MARCHF1: variants seen among roughly 807,000 people sequenced by gnomAD.
The protein encoded by MARCHF1 is membrane associated ring-CH-type finger 1.
Under a neutral mutation model 54.2 loss-of-function variants are expected in MARCHF1, and 40 were observed. The observed-to-expected ratio is 0.74, with a 90% CI of 0.57 to 0.96. The LOEUF is 0.96. Among genes scored for constraint, MARCHF1 ranks in the 40% least tolerant of loss-of-function variants. The pLI is 0.00. For synonymous variants in MARCHF1, 236 were observed against 236.3 expected (o/e 1.00, Z 0.01); for missense variants, 586 against 656.5 (o/e 0.89, Z 1.17).
At chr4:163,543,130 G>A (rs1738775854) in intron 9 of MARCHF1, among the ~76,000 whole-genome samples, 1 of 152,148 alleles carries the variant, frequency 6.6e-6, no homozygotes, top group Non-Finnish European at 1.5e-5. Context: ...ATGGTTAAGT[G>A]GGAATAGGAT....
At chr4:164,004,622 G>A (rs1353724532) in intron 2 of MARCHF1, among the ~76,000 whole-genome samples, 1 of 151,882 alleles carries the variant, frequency 6.6e-6, no homozygotes, top group African/African-American at 2.4e-5. Flanking sequence ...AAATTGGAAA[G>A]AGCTGAAATA....
chr4:163,717,053 T>A (rs894063295), intron 4 of MARCHF1, among the ~76,000 whole-genome samples: 1 of 151,978 alleles, frequency 6.6e-6, no homozygotes, highest in African/African-American at 2.4e-5. Flanking sequence ...CGTGCAGGTT[T>A]GTTACATATG....
intron 7 of MARCHF1, among the ~76,000 whole-genome samples, chr4:163,606,001 C>A (rs934268068): frequency 2.0e-5 from 3 of 152,046 alleles, no homozygotes; most frequent in Admixed American, 6.6e-5. Context: ...CACGTTTATA[C>A]CTATGTAACA....
At chr4:163,955,443 A>G (rs1342234740) in intron 3 of MARCHF1, among the ~76,000 whole-genome samples, 2 of 151,178 alleles carry the variant, frequency 1.3e-5, no homozygotes, top group Non-Finnish European at 2.9e-5. Context: ...TCAGCAGAAC[A>G]CACAGGCTTT....
chr4:164,300,180 G>C (rs1734517351), intron 1 of MARCHF1, among the ~76,000 whole-genome samples: 1 of 151,974 alleles, frequency 6.6e-6, no homozygotes, highest in Admixed American at 6.6e-5. Context: ...CATCACTGTA[G>C]AACATCATTA....
intron 7 of MARCHF1, among the ~76,000 whole-genome samples, chr4:163,610,217 G>A (rs566094784): frequency 6.6e-6 from 1 of 151,896 alleles, no homozygotes; most frequent in African/African-American, 2.4e-5. Context: ...TTTCGAGTAT[G>A]TGTTCAATCT....
intron 1 of MARCHF1, among the ~76,000 whole-genome samples, chr4:164,180,832 T>A (rs1003390129): frequency 3.9e-5 from 6 of 152,308 alleles, no homozygotes; most frequent in African/African-American, 1.4e-4. Flanking sequence ...TTAGAACTGC[T>A]ACATCCGCTT....
Position 164,201,061 on chromosome 4 carries a change from G to A in MARCHF1, c.-322-89399C>T, listed in dbSNP as rs77072527. 7.2e-3 allele frequency among the ~76,000 whole-genome samples: 1,103 copies of A among 152,284 alleles called. 10 individuals are homozygous for A. The highest frequency in any genetic ancestry group is 0.024 in the African/African-American group (991 of 41,550). On this transcript the variant is annotated intron_variant, in intron 1 of 9. Coordinates refer to ENST00000514618, the MANE Select transcript of MARCHF1 (RefSeq NM_001394959.1). ...AGAGTGAGCTAGGGAAAAGCATGGC[G>A]GAAGAAACAAGGTTGCTGAAAGCAA...
chr4:163,810,668 A>G (rs963315397), intron 4 of MARCHF1, among the ~76,000 whole-genome samples: 1 of 152,222 alleles, frequency 6.6e-6, no homozygotes, highest in Non-Finnish European at 1.5e-5. Flanking sequence ...TGCTGTTTAA[A>G]TTTAAAATTA....
intron 1 of MARCHF1, among the ~76,000 whole-genome samples, chr4:164,141,580 C>T (rs1756536136): frequency 6.6e-6 from 1 of 152,210 alleles, no homozygotes; most frequent in African/African-American, 2.4e-5. Context: ...AAAAAGAAGA[C>T]ATTCACCCCT....
intron 5 of MARCHF1, among the ~76,000 whole-genome samples, chr4:163,620,606 C>CACAGAGAGAG (rs1282901525): frequency 7.0e-5 from 4 of 56,944 alleles, no homozygotes; most frequent in Non-Finnish European, 1.8e-4. Flanking sequence ...CACACACACA[C>CACAGAGAGAG]AGAGAGAGAG....
chr4:163,685,557 C>T (rs559743972), intron 5 of MARCHF1, among the ~76,000 whole-genome samples: 241 of 152,248 alleles, frequency 1.6e-3, no homozygotes, highest in African/African-American at 5.2e-3. Flanking sequence ...TGGGTTGAAG[C>T]GATTCTCCTG....
chr4:164,073,419 T>C (rs1754910488), intron 2 of MARCHF1, among the ~76,000 whole-genome samples: 1 of 152,054 alleles, frequency 6.6e-6, no homozygotes, highest in South Asian at 2.1e-4. Flanking sequence ...CACTGCATGT[T>C]CTCACTCATA....
chr4:163,594,461 C>T (rs1424043406), intron 7 of MARCHF1, among the ~76,000 whole-genome samples: 1 of 151,774 alleles, frequency 6.6e-6, no homozygotes, highest in East Asian at 1.9e-4. Context: ...AAAGATTACA[C>T]AGAGCCTGGT....
At chr4:163,766,588 G>A (rs1746983900) in intron 4 of MARCHF1, among the ~76,000 whole-genome samples, 1 of 152,122 alleles carries the variant, frequency 6.6e-6, no homozygotes, top group South Asian at 2.1e-4. Context: ...ACATACTGTG[G>A]CTGCAGATGA....
intron 3 of MARCHF1, among the ~76,000 whole-genome samples, chr4:163,953,268 A>C (rs887035883): frequency 2.6e-5 from 4 of 152,140 alleles, no homozygotes; most frequent in Non-Finnish European, 5.9e-5. Context: ...CTGTGATACA[A>C]TGTAAAATAT....
At chr4:163,862,967 T>G (rs1749972937) in intron 3 of MARCHF1, among the ~76,000 whole-genome samples, 1 of 152,046 alleles carries the variant, frequency 6.6e-6, no homozygotes, top group Non-Finnish European at 1.5e-5. Flanking sequence ...AACTGAAAGG[T>G]GCTACTTTCT....
chr4:163,979,156 T>C (rs1752708590), intron 3 of MARCHF1, among the ~76,000 whole-genome samples: 3 of 73,426 alleles, frequency 4.1e-5, no homozygotes, highest in Non-Finnish European at 8.1e-5. Context: ...TATCTCCCAA[T>C]GCTATCCCCC....
At chr4:164,155,922 A>G (rs1730065363) in intron 1 of MARCHF1, among the ~76,000 whole-genome samples, 1 of 152,172 alleles carries the variant, frequency 6.6e-6, no homozygotes, top group Admixed American at 6.5e-5. Context: ...AATGATTTTC[A>G]TCTTTCAGTT....
Sources: gnomAD v4.1 joint callset for allele counts (sites outside exome capture counted in the v4.1 genomes callset) on GRCh38, gnomAD v4.1.1 for gene constraint, MANE v1.5 for transcripts, NCBI Gene and HGNC (gene_info 2026-07-23, HGNC 2026-07-21) for gene names.